Variants in TMEM154 observed in about 807,000 individuals in gnomAD.
TMEM154 encodes the protein transmembrane protein 154.
A neutral mutation model predicts 24.5 loss-of-function variants in TMEM154; 27 were observed. The observed-to-expected ratio is 1.10, with a 90% CI of 0.81 to 1.52. The LOEUF is 1.52. Ranked by LOEUF, TMEM154 falls within the 40% of genes most tolerant of loss-of-function variation. TMEM154 has a pLI of 0.00. For synonymous variants in TMEM154, 67 were observed against 76.8 expected, an observed-to-expected ratio of 0.87 and a Z score of 0.67; for missense variants, 228 against 213.4, an observed-to-expected ratio of 1.07 and a Z score of -0.43.
At chr4:152,664,947 G>T (rs1450410185) in intron 1 of TMEM154, among the ~76,000 whole-genome samples, 1 of 149,468 alleles carries the variant, frequency 6.7e-6, no homozygotes, top group Non-Finnish European at 1.5e-5. Context: ...TGAAGAGCCT[G>T]ATTAGCATTA....
intron 4 of TMEM154, among the ~76,000 whole-genome samples, chr4:152,643,603 G>C (rs1752299050): frequency 6.6e-6 from 1 of 152,214 alleles, no homozygotes; most frequent in Admixed American, 6.5e-5. Context: ...CTGTCAACAG[G>C]CTACAGTTAT....
At chr4:152,631,999 G>T (rs532562983) in intron 6 of TMEM154, among the ~76,000 whole-genome samples, 1 of 151,394 alleles carries the variant, frequency 6.6e-6, no homozygotes, top group Non-Finnish European at 1.5e-5. Context: ...AGTAGAGGTG[G>T]GGTTTCACCA....
intron 6 of TMEM154, among the ~76,000 whole-genome samples, chr4:152,632,739 C>A (rs536357428): frequency 2.6e-4 from 39 of 152,208 alleles, no homozygotes; most frequent in Non-Finnish European, 4.6e-4. Context: ...TGTGTGCTAA[C>A]GAGTGGCTTT....
intron 1 of TMEM154, among the ~76,000 whole-genome samples, chr4:152,659,970 AT>A (rs1374613763): frequency 6.6e-6 from 1 of 152,086 alleles, no homozygotes; most frequent in Non-Finnish European, 1.5e-5. Context: ...GTACTGTACT[AT>A]TTGTGGCCAC....
chr4:152,648,474 A>G (rs6535857), intron 3 of TMEM154, among the ~76,000 whole-genome samples: 89,806 of 152,070 alleles, frequency 0.59, 26,718 homozygotes, highest in African/African-American at 0.65. Context: ...CAGCCGGGGT[A>G]ACAGAGCAAG....
intron 1 of TMEM154, among the ~76,000 whole-genome samples, chr4:152,663,855 C>T (rs141571231): frequency 6.6e-6 from 1 of 152,350 alleles, no homozygotes; most frequent in East Asian, 1.9e-4. Flanking sequence ...CACGCAGACA[C>T]ATCTGGGATT....
chr4:152,627,034 T>C lies in TMEM154; in HGVS notation c.*1512A>G, dbSNP rs1751933737. On this transcript the variant is annotated 3_prime_UTR_variant, in exon 7 of 7. Coordinates refer to ENST00000304385, the MANE Select transcript of TMEM154 (RefSeq NM_152680.3). ...AAGTCTGTCTTTTGTCAAAGTTCTA[T>C]GCAGTCCCAGGATAGCGTGATAGCA... is the stretch of plus-strand genomic sequence containing the variant. 1 of 152,384 alleles carries C rather than the reference T, an allele frequency of 6.6e-6. No homozygotes were observed. The highest frequency in any genetic ancestry group is 2.4e-5 in the African/African-American group (1 of 41,594). The allele number at this position is 152,384 out of a possible 1,614,324, so 9.4% of individuals were successfully genotyped here.
At chr4:152,653,528 T>A (rs565259782) in intron 1 of TMEM154, among the ~76,000 whole-genome samples, 420 of 151,780 alleles carry the variant, frequency 2.8e-3, no homozygotes, top group Non-Finnish European at 4.9e-3. Flanking sequence ...TAGCTGGGAT[T>A]ACAGGCATGT....
In TMEM154 at chr4:152,627,673, A is replaced by C. The variant is rs1331751879; in HGVS notation, c.*873T>G. 6.6e-6 allele frequency: 1 copy of C among 152,168 alleles called. No homozygotes were observed. Among genetic ancestry groups the C allele is most frequent in the African/African-American group, 2.4e-5 (1 of 41,436 alleles). The allele number at this position is 152,168 out of a possible 1,614,324, so 9.4% of individuals were successfully genotyped here. ...TTCCTGCTCCTCTTCTGTTTGTTTC[A>C]AACCACCTTCAGGATCTCTGAAACA... On this transcript the variant is annotated 3_prime_UTR_variant, in exon 7 of 7. Coordinates refer to ENST00000304385, the MANE Select transcript of TMEM154 (RefSeq NM_152680.3).
chr4:152,667,367 G>A (rs953818561), intron 1 of TMEM154, among the ~76,000 whole-genome samples: 14 of 152,106 alleles, frequency 9.2e-5, no homozygotes, highest in African/African-American at 2.9e-4. Flanking sequence ...AGGGAATGGA[G>A]GAATTGCTTA....
chr4:152,679,062 G>A (rs1316475341), intron 1 of TMEM154, among the ~76,000 whole-genome samples: 3 of 152,236 alleles, frequency 2.0e-5, no homozygotes, highest in African/African-American at 7.2e-5. Flanking sequence ...CAGTGTATTT[G>A]CCCAAAGGCA....
chr4:152,643,859 G>A (rs1028735678), intron 4 of TMEM154, among the ~76,000 whole-genome samples: 1 of 152,168 alleles, frequency 6.6e-6, no homozygotes, highest in East Asian at 1.9e-4. Flanking sequence ...GGAGGATATG[G>A]CATCACCCCA....
intron 1 of TMEM154, among the ~76,000 whole-genome samples, chr4:152,678,231 T>TA (rs1371448361): frequency 6.6e-6 from 1 of 151,778 alleles, no homozygotes; most frequent in Non-Finnish European, 1.5e-5. Context: ...GAGGGGTCCT[T>TA]AAGGGGGAAG....
In TMEM154 at chr4:152,679,880, G is replaced by C. The variant is rs747637170; in HGVS notation, c.54C>G (p.Pro18=). The C allele has an allele frequency of 3.9e-5, 62 of 1,609,420 alleles. No homozygotes were observed. Among genetic ancestry groups the C allele is most frequent in the Middle Eastern group, 1.6e-4 (1 of 6,072 alleles). ...LVFALVIALV[P]VGRGNYEELE... is the part of the protein sequence containing the mutation. ...GTGGAGGCGGCTTACCCCGGCCGAC[G>C]GGAACGAGCGCGATCACCAGGGCGA... The change falls in exon 1 of 7, where the codon CCC becomes CCG. Residue 18 remains proline (P), a synonymous_variant. Coordinates refer to ENST00000304385, the MANE Select transcript of TMEM154 (RefSeq NM_152680.3).
intron 6 of TMEM154, among the ~76,000 whole-genome samples, chr4:152,637,361 T>A (rs1322708811): frequency 6.6e-6 from 1 of 152,090 alleles, no homozygotes; most frequent in Non-Finnish European, 1.5e-5. Context: ...GCCTGACCAA[T>A]GTGGTGAAAC....
intron 4 of TMEM154, 57 bp from the exon 5 acceptor site, chr4:152,643,230 A>G (rs973294401): frequency 3.1e-6 from 4 of 1,279,430 alleles, no homozygotes; most frequent in African/African-American, 3.0e-5. Flanking sequence ...GCCTAATTTC[A>G]TTTGGAAAGA....
chr4:152,644,962 A>G (rs1327621521), intron 3 of TMEM154, among the ~76,000 whole-genome samples: 2 of 152,134 alleles, frequency 1.3e-5, no homozygotes, highest in Non-Finnish European at 2.9e-5. Flanking sequence ...ATCCCTCACA[A>G]CTTCAGGGTC....
intron 1 of TMEM154, among the ~76,000 whole-genome samples, chr4:152,654,119 T>C (rs2149785082): frequency 6.6e-6 from 1 of 152,242 alleles, no homozygotes; most frequent in Middle Eastern, 3.4e-3. Context: ...GATGACTATC[T>C]GAAAAACTTT....
chr4:152,647,270 C>A (rs1728271827), intron 3 of TMEM154: 4 of 985,148 alleles, frequency 4.1e-6, no homozygotes, highest in Non-Finnish European at 4.8e-6. Flanking sequence ...TAAAGCATTT[C>A]TGTGGGAGCT....
Sources: gnomAD v4.1 joint callset for allele counts (sites outside exome capture counted in the v4.1 genomes callset) on GRCh38, gnomAD v4.1.1 for gene constraint, MANE v1.5 for transcripts, NCBI Gene and HGNC (gene_info 2026-07-23, HGNC 2026-07-21) for gene names.